TYW1: variants seen among roughly 807,000 people sequenced by gnomAD.
TYW1 encodes tRNA-yW synthesizing protein 1 homolog.
TYW1 carries 46 observed loss-of-function variants against 96.2 expected under a neutral mutation model. The ratio of observed to expected loss-of-function variants is 0.48; its 90% CI spans 0.38 to 0.61. The LOEUF (loss-of-function observed/expected upper bound fraction) is 0.61. Among genes scored for constraint, TYW1 ranks in the 20% least tolerant of loss-of-function variants. The pLI is 0.00. For missense variants in TYW1, 684 were observed against 909.6 expected (o/e 0.75, Z 3.19); for synonymous variants, 274 against 323.0 (o/e 0.85, Z 1.63).
intron 13 of TYW1, among the ~76,000 whole-genome samples, chr7:67,153,249 A>G (rs1316028707): frequency 3.3e-5 from 5 of 152,208 alleles, no homozygotes; most frequent in Admixed American, 6.5e-5. Flanking sequence ...TGAGGTCAGG[A>G]GTTCAAGACC....
chr7:67,162,032 C>T (rs1261713715), intron 13 of TYW1, among the ~76,000 whole-genome samples: 2 of 152,132 alleles, frequency 1.3e-5, no homozygotes, highest in Non-Finnish European at 2.9e-5. Context: ...CGCAGTGGCT[C>T]ACGCCTGTAA....
At chr7:67,077,424 G>T (rs1302410482) in intron 10 of TYW1, among the ~76,000 whole-genome samples, 1 of 152,146 alleles carries the variant, frequency 6.6e-6, no homozygotes, top group Non-Finnish European at 1.5e-5. Flanking sequence ...TTTGATAATA[G>T]TCATTTTAAC....
intron 14 of TYW1, among the ~76,000 whole-genome samples, chr7:67,194,269 C>G (rs1250244410): frequency 1.3e-5 from 2 of 151,790 alleles, no homozygotes; most frequent in Non-Finnish European, 2.9e-5. Context: ...AAATATATTT[C>G]CCTTTTGGCA....
chr7:67,015,371 A>G (rs562232824), intron 5 of TYW1, among the ~76,000 whole-genome samples: 2 of 152,110 alleles, frequency 1.3e-5, no homozygotes, highest in South Asian at 2.1e-4. Flanking sequence ...TTATTTTTTC[A>G]GGACAGGGTC....
At chr7:67,212,663 G>T (rs779829936) in intron 15 of TYW1, among the ~76,000 whole-genome samples, 3 of 103,688 alleles carry the variant, frequency 2.9e-5, no homozygotes, top group Non-Finnish European at 6.2e-5. Context: ...GTATATCACG[G>T]TTTTTTTGTT....
chr7:67,100,257 C>T (rs1425260623), intron 12 of TYW1, among the ~76,000 whole-genome samples: 3 of 152,028 alleles, frequency 2.0e-5, no homozygotes, highest in African/African-American at 7.2e-5. Context: ...AAGGCATCTC[C>T]TGGGGCCTCT....
rs1800380892 is a variant in TYW1 at position 67,195,984 on chromosome 7, C to T, written c.1977+647C>T. Among the ~76,000 whole-genome samples, 3 of 151,962 alleles carry T rather than the reference C, an allele frequency of 2.0e-5. No homozygotes were observed. The South Asian group carries it at 6.2e-4, about 32-fold the overall frequency. ...TTATTTCTTTAAATACTTATTCTTT[C>T]TCATTATATGTTCTCCTCTAGGACT... On this transcript the variant is annotated intron_variant, in intron 15 of 15. Coordinates refer to ENST00000359626, the MANE Select transcript of TYW1 (RefSeq NM_018264.4).
rs1793446957 is a variant in TYW1, at chr7:67,002,805, G to A, written c.273+3851G>A. On this transcript the variant is annotated intron_variant, in intron 3 of 15. Coordinates refer to ENST00000359626, the MANE Select transcript of TYW1 (RefSeq NM_018264.4). ...CTTTTGGATCGTCTTCTGTGTCTCA[G>A]ATCTTTTCTCTTATATTTTTTGTAA... Among the ~76,000 whole-genome samples, 4 of 149,194 alleles carry A rather than the reference G, an allele frequency of 2.7e-5. No homozygotes were observed. The South Asian group carries it at 8.6e-4, about 32-fold the overall frequency.
intron 7 of TYW1, among the ~76,000 whole-genome samples, chr7:67,025,671 C>A (rs1012283142): frequency 6.6e-6 from 1 of 152,106 alleles, no homozygotes; most frequent in Non-Finnish European, 1.5e-5. Context: ...AAATACCAAT[C>A]TGGGATGTGA....
intron 12 of TYW1, among the ~76,000 whole-genome samples, chr7:67,108,707 G>T (rs1343021016): frequency 6.6e-6 from 1 of 152,026 alleles, no homozygotes; most frequent in Non-Finnish European, 1.5e-5. Flanking sequence ...CTCCCAAAGT[G>T]CTGGGATTAC....
At chr7:67,079,169 GAGGTGTGTGTGT>G (rs1479247407) in intron 10 of TYW1, among the ~76,000 whole-genome samples, 2 of 110,070 alleles carry the variant, frequency 1.8e-5, no homozygotes, top group Non-Finnish European at 3.9e-5. Flanking sequence ...ATTCGTGTGA[GAGGTGTGTGTGT>G]GTGTGTGTGT....
At chr7:67,073,592 A>G (rs1057198776) in intron 10 of TYW1, among the ~76,000 whole-genome samples, 14 of 150,994 alleles carry the variant, frequency 9.3e-5, no homozygotes, top group Admixed American at 1.3e-4. Flanking sequence ...CAACAGAGGG[A>G]AACCCCGTCT....
chr7:67,026,295 A>G (rs1398985466), intron 7 of TYW1, among the ~76,000 whole-genome samples: 3 of 152,070 alleles, frequency 2.0e-5, no homozygotes, highest in Admixed American at 2.0e-4. Context: ...CTGGTCTCGA[A>G]CTCCTGACCT....
intron 7 of TYW1, among the ~76,000 whole-genome samples, chr7:67,034,158 CA>C (rs1794759476): frequency 6.7e-6 from 1 of 149,334 alleles, no homozygotes; most frequent in Non-Finnish European, 1.5e-5. Context: ...GGCCGGAGTG[CA>C]GTGATGCGAT....
intron 10 of TYW1, among the ~76,000 whole-genome samples, chr7:67,075,064 A>G (rs1390212429): frequency 1.3e-5 from 2 of 152,208 alleles, no homozygotes; most frequent in East Asian, 3.8e-4. Flanking sequence ...TTTTTAAACT[A>G]CAACATGATG....
chr7:67,224,911 C>T (rs1584717648), intron 15 of TYW1, among the ~76,000 whole-genome samples: 1 of 152,162 alleles, frequency 6.6e-6, no homozygotes, highest in African/African-American at 2.4e-5. Flanking sequence ...ACAAGTCTAG[C>T]TGGGTGCAGT....
intron 7 of TYW1, among the ~76,000 whole-genome samples, chr7:67,049,515 A>C (rs1467712784): frequency 1.3e-5 from 2 of 152,044 alleles, no homozygotes; most frequent in Non-Finnish European, 2.9e-5. Flanking sequence ...GGTTCATAAC[A>C]GCCCTTTTTA....
intron 9 of TYW1, among the ~76,000 whole-genome samples, chr7:67,065,238 T>C (rs1423132369): frequency 6.6e-6 from 1 of 152,218 alleles, no homozygotes; most frequent in Non-Finnish European, 1.5e-5. Flanking sequence ...ACGGTAGTTC[T>C]GTCAGATTTT....
At position 67,221,203 on chromosome 7, in the gene TYW1, T is replaced by C. The variant is rs539006498; in HGVS notation, c.1978-17105T>C. Among the ~76,000 whole-genome samples, 3 of 152,380 alleles carry C rather than the reference T, an allele frequency of 2.0e-5. No individual in the cohort carries two copies. In the South Asian group the frequency reaches 6.2e-4, roughly 32 times the overall value. On this transcript the variant is annotated intron_variant, in intron 15 of 15. Transcript: ENST00000359626. ...GCTGCCTAAATGTTTATAATAGTTA[T>C]ATGTTCTTGCTCTGTTGAACCTTTT...
Sources: gnomAD v4.1 joint callset for allele counts (sites outside exome capture counted in the v4.1 genomes callset) on GRCh38, gnomAD v4.1.1 for gene constraint, MANE v1.5 for transcripts, NCBI Gene and HGNC (gene_info 2026-07-23, HGNC 2026-07-21) for gene names.